The following SETD1A variants were observed in gnomAD, a reference collection of about 807,000 sequenced individuals.
SETD1A encodes SET domain containing 1A, histone lysine methyltransferase.
In SETD1A, 29 loss-of-function variants were observed where a neutral mutation model predicts 149.9. The observed-to-expected ratio is 0.19, with a 90% confidence interval of 0.14 to 0.26. SETD1A has a LOEUF of 0.26. SETD1A is among the 10% of genes least tolerant of loss of function. The pLI is 1.00. For missense variants in SETD1A, 2,109 were observed against 2,353.1 expected, an observed-to-expected ratio of 0.90 and a Z score of 2.15; for synonymous variants, 1,141 against 968.5, an observed-to-expected ratio of 1.18 and a Z score of -3.31.
intron 8 of SETD1A, 25 bp downstream of exon 8, chr16:30,966,411 G>T (rs978049986): frequency 6.3e-7 from 1 of 1,580,478 alleles, no homozygotes; most frequent in Non-Finnish European, 8.6e-7. Context: ...TGGGACCGGG[G>T]AGCCCTGGGC....
chr16:30,963,553 C>G lies in SETD1A; in HGVS notation c.638C>G (p.Thr213Arg). 6.2e-7 allele frequency: 1 copy of G among 1,611,180 alleles called. No homozygotes were observed. The highest frequency in any genetic ancestry group is 8.5e-7 in the Non-Finnish European group (1 of 1,178,626). ...CAAGGCTCGGGTGCAGCCACTGAGA[C>G]GGTGAGAAGTTTGTGGCTACCACAG... The part of the protein sequence containing the change: ...KFQGSGAATE[T>R]AESRRRSSSD... Residue 213 changes from threonine to arginine, a missense_variant and splice_region_variant, in exon 5 of 19, where the codon ACG (threonine) becomes AGG (arginine). Around this residue, in one of 8 missense-constraint regions of SETD1A, gnomAD observed 410 missense variants for 394.8 expected, o/e 1.04. Coordinates refer to ENST00000262519, the MANE Select transcript of SETD1A (RefSeq NM_014712.3).
intron 13 of SETD1A, among the ~76,000 whole-genome samples, chr16:30,976,360 C>G (rs535829310): frequency 5.7e-4 from 87 of 152,258 alleles, no homozygotes; most frequent in African/African-American, 2.0e-3. Flanking sequence ...TGCACTGTAT[C>G]CTGGAGACAG....
Position 30,983,564 on chromosome 16 carries a change from C to A in SETD1A, c.4813-71C>A. ...GCCTGGTGGGCGTGGACCTGGGGTG[C>A]TGGCTGGCAGGCGTGCTCAGGGGCA... is the stretch of plus-strand genomic sequence containing the variant. On this transcript the variant is annotated intron_variant, in intron 17 of 18. Coordinates refer to ENST00000262519, the MANE Select transcript of SETD1A (RefSeq NM_014712.3). This position sits in a 1 kb window ranked among gnomAD's most constrained non-coding sequence, Gnocchi z 6.8. 2 of 1,553,228 alleles carry A rather than the reference C, an allele frequency of 1.3e-6. No homozygotes were observed. The highest frequency in any genetic ancestry group is 1.9e-5 in the Admixed American group (1 of 51,736).
chr16:30,959,566 G>A (rs1267875086), intron 3 of SETD1A, among the ~76,000 whole-genome samples: 2 of 152,084 alleles, frequency 1.3e-5, no homozygotes, highest in East Asian at 1.9e-4. Context: ...ACTATTCCCC[G>A]CCTCTCATTT....
At position 30,980,918 on chromosome 16, in the gene SETD1A, C is replaced by T; in HGVS notation, c.4692+69C>T. ...CAGGAAGGGGCAGAGGCCAGGGGAC[C>T]ACCCAGCAGGCTCCTGTGGTTCCCT... On this transcript the variant is annotated intron_variant, in intron 16 of 18. Transcript: ENST00000262519. This position sits in a 1 kb window ranked among gnomAD's most constrained non-coding sequence, Gnocchi z 7.7. The T allele has an allele frequency of 7.0e-6, 11 of 1,560,792 alleles. No individual in the cohort carries two copies. Among genetic ancestry groups the T allele is most frequent in the Non-Finnish European group, 9.6e-6 (11 of 1,142,408 alleles).
At chr16:30,981,259 C>T (rs898958205) in intron 17 of SETD1A, 79 bp downstream of exon 17, 38 of 1,566,206 alleles carry the variant, frequency 2.4e-5, no homozygotes, top group African/African-American at 4.0e-5. Context: ...GCTGTTTGTC[C>T]GGTTAAAGCC....
In SETD1A at chr16:30,961,254, G is replaced by C. The variant is rs757950790; in HGVS notation, c.247-13G>C. On this transcript the variant is annotated splice_polypyrimidine_tract_variant and intron_variant, in intron 3 of 18. Coordinates refer to ENST00000262519, the MANE Select transcript of SETD1A (RefSeq NM_014712.3). This position sits in a 1 kb window ranked among gnomAD's most constrained non-coding sequence, Gnocchi z 4.0. ...GTGTTGAGACCCCATACCAACTCCT[G>C]TTCTTTCCCCAGCTGGACGAGTTCT... is the stretch of plus-strand genomic sequence containing the variant. The C allele has an allele frequency of 1.2e-6, 2 of 1,613,990 alleles. No homozygotes were observed. Among genetic ancestry groups the C allele is most frequent in the Non-Finnish European group, 1.7e-6 (2 of 1,179,936 alleles).
chr16:30,966,188 C>T lies in SETD1A; in HGVS notation c.2307C>T (p.Ala769=). Residue 769 remains alanine (A), a synonymous_variant, in exon 8 of 19, where the codon GCC becomes GCT. Transcript: ENST00000262519. ...CCTCCTCAGTCTCGGGAGAGGAGGC[C>T]CGGCTGCCACCCAGGGAAGAAGCAG... is the stretch of plus-strand genomic sequence containing the variant. ...LPSSSVSGEE[A]RLPPREEAEL... 3 of 1,612,148 alleles carry T rather than the reference C, an allele frequency of 1.9e-6. No homozygotes were observed. The highest frequency in any genetic ancestry group is 2.5e-6 in the Non-Finnish European group (3 of 1,179,276).
At chr16:30,960,438 T>A (rs1160279051) in intron 3 of SETD1A, among the ~76,000 whole-genome samples, 1 of 152,232 alleles carries the variant, frequency 6.6e-6, no homozygotes, top group Non-Finnish European at 1.5e-5. Flanking sequence ...CAAATCTCAG[T>A]AAGAATGACA....
chr16:30,969,685 G>T lies in SETD1A; in HGVS notation c.3012G>T (p.Ser1004=). 1 of 1,613,316 alleles carries T rather than the reference G, an allele frequency of 6.2e-7. No homozygotes were observed. The highest frequency in any genetic ancestry group is 8.5e-7 in the Non-Finnish European group (1 of 1,179,194). The part of the protein sequence containing the change: ...VDTTKKETEV[S]DGEDEESDSS... ...CCACAAAGAAGGAGACAGAGGTGTC[G>T]GATGGTGAGCACAAGACAGTGAAAT... The change falls in exon 12 of 19, where the codon TCG becomes TCT. Residue 1004 remains serine (S), a synonymous_variant. Transcript: ENST00000262519.
intron 3 of SETD1A, among the ~76,000 whole-genome samples, chr16:30,959,776 A>G (rs2056023851): frequency 1.4e-5 from 2 of 144,704 alleles, no homozygotes; most frequent in Non-Finnish European, 3.0e-5. Context: ...TACTTTGTAC[A>G]CTTCACTTGG....
rs2056354905 is a variant in SETD1A, at chr16:30,980,271, C to T, written c.4408+77C>T. The T allele has an allele frequency of 1.6e-5, 24 of 1,484,458 alleles. No homozygotes were observed. Among genetic ancestry groups the T allele is most frequent in the East Asian group, 2.4e-5 (1 of 42,016 alleles). 92.0% of individuals were successfully genotyped at this position (1,484,458 alleles called of 1,614,324 possible). A position where few individuals can be genotyped will look rare whatever the true frequency, so the allele number is the denominator to read the frequency against. On this transcript the variant is annotated intron_variant, in intron 14 of 18. Transcript: ENST00000262519. This position sits in a 1 kb window ranked among gnomAD's most constrained non-coding sequence, Gnocchi z 7.7. ...TCCAGGCACCTGCATCTGTGCCCCA[C>T]TCTGTCTGCCTCCCCTCTGGCTCCA...
At chr16:30,964,559 G>T in intron 6 of SETD1A, 53 bp from the exon 7 acceptor site, 2 of 1,579,156 alleles carry the variant, frequency 1.3e-6, no homozygotes, top group Non-Finnish European at 1.7e-6. Context: ...CCAGTACGCT[G>T]TGGTTTGGTC....
At position 30,981,069 on chromosome 16, in the gene SETD1A, G is replaced by A; in HGVS notation, c.4701G>A (p.Lys1567=). The A allele has an allele frequency of 6.2e-7, 1 of 1,614,212 alleles. No homozygotes were observed. Among genetic ancestry groups the A allele is most frequent in the Non-Finnish European group, 8.5e-7 (1 of 1,180,030 alleles). Residue 1567 remains lysine (K), a synonymous_variant, in exon 17 of 19, where the codon AAG becomes AAA. Coordinates refer to ENST00000262519, the MANE Select transcript of SETD1A (RefSeq NM_014712.3). ...TCCCTTCTGCCCCCCAGTTCCGGAA[G>A]AAGAAGCTCCGATTTGGCCGGAGCC... ...LLKLNQLKFR[K]KKLRFGRSRI...
chr16:30,964,523 C>G, intron 6 of SETD1A, 89 bp from the exon 7 acceptor site: 1 of 1,547,464 alleles, frequency 6.5e-7, no homozygotes, highest in Non-Finnish European at 8.7e-7. Flanking sequence ...TGGAGGGCAG[C>G]ATAGAGGGGC....
In SETD1A at chr16:30,984,014, C is replaced by T; in HGVS notation, c.5115C>T (p.Ser1705=). The T allele has an allele frequency of 6.2e-7, 1 of 1,612,690 alleles. No individual in the cohort carries two copies. Among genetic ancestry groups the T allele is most frequent in the Non-Finnish European group, 8.5e-7 (1 of 1,179,310 alleles). The change falls in exon 19 of 19, where the codon TCC becomes TCT. Residue 1705 remains serine, a synonymous_variant. Coordinates refer to ENST00000262519, the MANE Select transcript of SETD1A (RefSeq NM_014712.3). ...CLCGTESCRG[S]LN is the part of the protein sequence containing the mutation. ...GTGGCACAGAGAGCTGCCGGGGCTC[C>T]CTAAACTGAGGTGGGGCAGGATGGG...
In SETD1A at chr16:30,969,673, G is replaced by A. The variant is rs2056200472; in HGVS notation, c.3000G>A (p.Glu1000=). ...REEAVDTTKK[E]TEVSDGEDEE... ...AAGCTGTGGATACCACAAAGAAGGAGACAGAGGTGTCGGATGGTGAGCACA... is the reference window on the plus strand; with the variant it reads ...AAGCTGTGGATACCACAAAGAAGGAAACAGAGGTGTCGGATGGTGAGCACA... Residue 1000 remains glutamate, a synonymous_variant, in exon 12 of 19, where the codon GAG becomes GAA. Transcript: ENST00000262519. 1 of 1,614,040 alleles carries A rather than the reference G, an allele frequency of 6.2e-7. No homozygotes were observed. Among genetic ancestry groups the A allele is most frequent in the Non-Finnish European group, 8.5e-7 (1 of 1,179,862 alleles).
chr16:30,964,010 C>T (rs1339786549), intron 5 of SETD1A, 84 bp from the exon 6 acceptor site: 5 of 1,064,478 alleles, frequency 4.7e-6, no homozygotes, highest in South Asian at 4.4e-5. Context: ...AAAAAGGGAA[C>T]TAGGATTCCT....
rs780781859 is a variant in SETD1A at position 30,961,461 on chromosome 16, C to A, written c.441C>A (p.Gly147=). Residue 147 remains glycine (G), a synonymous_variant, in exon 4 of 19, where the codon GGC becomes GGA. Coordinates refer to ENST00000262519, the MANE Select transcript of SETD1A (RefSeq NM_014712.3). This position sits in a 1 kb window ranked among gnomAD's most constrained non-coding sequence, Gnocchi z 4.0. The part of the protein sequence containing the change: ...LARVLFTSTR[G]AKETVKNLHL... ...GTGTGCTCTTCACCAGCACTCGGGG[C>A]GCCAAGGAAACGGTCAAAAACCTCC... 9 of 1,613,928 alleles carry A rather than the reference C, an allele frequency of 5.6e-6. No homozygotes were observed. Among genetic ancestry groups the A allele is most frequent in the Middle Eastern group, 1.6e-4 (1 of 6,080 alleles).
Sources: gnomAD v4.1 joint callset for allele counts (sites outside exome capture counted in the v4.1 genomes callset) on GRCh38, gnomAD v4.1.1 for gene constraint, gnomAD v4.1.1 regional missense constraint, Gnocchi (gnomAD v3.1) non-coding constraint, MANE v1.5 for transcripts, NCBI Gene and HGNC (gene_info 2026-07-23, HGNC 2026-07-21) for gene names.